Variants in ABCA13 observed in about 807,000 individuals in gnomAD.
ABCA13 encodes ATP-binding cassette sub-family A member 13.
In ABCA13, 476 loss-of-function variants were observed where a neutral mutation model predicts 478.7. That is an observed-to-expected ratio of 0.99 (90% confidence interval 0.92 to 1.07). The LOEUF (loss-of-function observed/expected upper bound fraction) is 1.07. Among genes scored for constraint, ABCA13 ranks in the 50% least tolerant of loss-of-function variants. The probability of loss-of-function intolerance (pLI) is 0.00; values close to 1 mark genes in which losing one functional copy is unlikely to be tolerated. For missense variants in ABCA13, 6,060 were observed against 5,910.6 expected (o/e 1.03, Z -0.83); for synonymous variants, 2,252 against 2,158.9 (o/e 1.04, Z -1.20).
At chr7:48,637,267 T>C (rs540091238) in intron 59 of ABCA13, among the ~76,000 whole-genome samples, 1 of 151,150 alleles carries the variant, frequency 6.6e-6, no homozygotes, top group East Asian at 2.0e-4. Context: ...GTTTTCCTCC[T>C]CAGGTCTCAC....
intron 58 of ABCA13, among the ~76,000 whole-genome samples, chr7:48,610,840 G>T (rs1791959144): frequency 6.6e-6 from 1 of 152,188 alleles, no homozygotes; most frequent in Non-Finnish European, 1.5e-5. Context: ...CTGCAACACA[G>T]TGAGCAGTGT....
intron 19 of ABCA13, among the ~76,000 whole-genome samples, chr7:48,285,240 G>A (rs28701511): frequency 0.077 from 11,786 of 152,210 alleles, 559 homozygotes; most frequent in East Asian, 0.17. Context: ...GAAGGGAGGA[G>A]AGGAAAGGGG....
At chr7:48,290,307 A>G (rs1248681088) in intron 20 of ABCA13, among the ~76,000 whole-genome samples, 2 of 152,196 alleles carry the variant, frequency 1.3e-5, no homozygotes, top group African/African-American at 4.8e-5. Context: ...GCCTCTCTAG[A>G]TCTAGACCTT....
chr7:48,307,291 C>T (rs1801048712), intron 23 of ABCA13, among the ~76,000 whole-genome samples: 1 of 152,212 alleles, frequency 6.6e-6, no homozygotes, highest in South Asian at 2.1e-4. Flanking sequence ...TCCTAGGCTA[C>T]AAACCTGTAC....
chr7:48,645,372 G>A, intron 61 of ABCA13, 45 bp from the exon 62 acceptor site: 2 of 1,441,056 alleles, frequency 1.4e-6, no homozygotes, highest in Non-Finnish European at 1.9e-6. Flanking sequence ...GAGACCAAAG[G>A]GTTGTATTCT....
chr7:48,594,804 C>T lies in ABCA13; in HGVS notation c.14735C>T (p.Thr4912Ile). 6.2e-7 allele frequency: 1 copy of T among 1,613,730 alleles called. No homozygotes were observed. The highest frequency in any genetic ancestry group is 1.1e-5 in the South Asian group (1 of 91,066). ...CGGGAAGGCTGTGCTGCGGTGCTGA[C>T]CTCCCACAGGTGAGTTCCAGTTTCT... ...EVREGCAAVL[T>I]SHSMEECEAL... Residue 4912 changes from threonine (T) to isoleucine (I), a missense_variant, in exon 58 of 62, where the codon ACC becomes ATC. Physicochemically the swap from Thr to Ile is moderately conservative, Grantham distance 89. Transcript: ENST00000435803.
intron 42 of ABCA13, among the ~76,000 whole-genome samples, chr7:48,436,827 GT>G (rs35563306): frequency 0.31 from 44,737 of 146,654 alleles, 6,661 homozygotes; most frequent in East Asian, 0.39. Context: ...GAATTTTTCT[GT>G]TTTTTTTTTC....
At chr7:48,517,060 A>G (rs574023431) in intron 52 of ABCA13, among the ~76,000 whole-genome samples, 179 bp downstream of exon 52, 1 of 152,342 alleles carries the variant, frequency 6.6e-6, no homozygotes, top group Non-Finnish European at 1.5e-5. Flanking sequence ...CATTGCCGTT[A>G]TAAAAGCCAT....
chr7:48,259,073 T>C (rs938544320), intron 15 of ABCA13, among the ~76,000 whole-genome samples: 6 of 152,044 alleles, frequency 3.9e-5, no homozygotes, highest in African/African-American at 1.2e-4. Flanking sequence ...GTGAGAAGAA[T>C]GTGTTTTCTG....
At chr7:48,229,740 A>G (rs1440390680) in intron 6 of ABCA13, 85 bp from the exon 7 acceptor site, 2 of 1,528,154 alleles carry the variant, frequency 1.3e-6, no homozygotes, top group African/African-American at 2.7e-5. Flanking sequence ...GGCCCAGTCC[A>G]TGGGATGTAA....
chr7:48,230,460 C>A (rs1788882785), intron 7 of ABCA13, among the ~76,000 whole-genome samples: 2 of 152,274 alleles, frequency 1.3e-5, no homozygotes, highest in South Asian at 4.2e-4. Context: ...TCCTGAATTA[C>A]CAACTGAGTC....
At chr7:48,571,226 A>G (rs757322554) in intron 55 of ABCA13, among the ~76,000 whole-genome samples, 12 of 152,192 alleles carry the variant, frequency 7.9e-5, no homozygotes, top group Non-Finnish European at 1.8e-4. Flanking sequence ...AGAAACACGT[A>G]CATTTATCTT....
intron 48 of ABCA13, among the ~76,000 whole-genome samples, chr7:48,491,136 C>T (rs942468817): frequency 4.6e-5 from 7 of 151,946 alleles, no homozygotes; most frequent in Admixed American, 1.3e-4. Context: ...AAGGAAGGGG[C>T]GAGGTGATTT....
At chr7:48,205,355 T>C (rs1784792745) in intron 3 of ABCA13, among the ~76,000 whole-genome samples, 2 of 152,232 alleles carry the variant, frequency 1.3e-5, no homozygotes, top group Non-Finnish European at 2.9e-5. Context: ...TTTTCAGTTG[T>C]ATTATTAAAC....
rs748689557 is a variant in ABCA13 at position 48,352,263 on chromosome 7, C to A, written c.10464C>A (p.Ile3488=). ...VKLPPHVSYT[I]RTNVLYSVRT... ...TGCCACCCCATGTCTCATACACAAT[C>A]CGGACCAATGTGTTATACAGCGTGC... is the stretch of plus-strand genomic sequence containing the variant. Residue 3488 remains isoleucine, a synonymous_variant, in exon 31 of 62, where the codon ATC becomes ATA. Transcript: ENST00000435803. The A allele has an allele frequency of 1.9e-6, 3 of 1,613,812 alleles. No homozygotes were observed. The Admixed American group carries it at 5.0e-5, about 27-fold the overall frequency.
intron 27 of ABCA13, among the ~76,000 whole-genome samples, chr7:48,332,628 G>T (rs144443439): frequency 6.6e-6 from 1 of 151,944 alleles, no homozygotes; most frequent in African/African-American, 2.4e-5. Flanking sequence ...CCAAGATTCC[G>T]TTTCATATTT....
At chr7:48,574,986 G>T (rs1788029101) in intron 55 of ABCA13, among the ~76,000 whole-genome samples, 1 of 151,900 alleles carries the variant, frequency 6.6e-6, no homozygotes, top group Non-Finnish European at 1.5e-5. Flanking sequence ...TGAAGCCACA[G>T]GTAATATATA....
chr7:48,532,033 A>T (rs1282365099), intron 55 of ABCA13, among the ~76,000 whole-genome samples: 1 of 151,938 alleles, frequency 6.6e-6, no homozygotes, highest in Non-Finnish European at 1.5e-5. Flanking sequence ...TTCCAGTATT[A>T]TGTTGAATAG....
rs769344519 is a variant in ABCA13, at chr7:48,511,160, A to G, written c.13601A>G (p.Lys4534Arg). Residue 4534 changes from lysine (K) to arginine (R), a missense_variant, in exon 51 of 62, where the codon AAG (lysine) becomes AGG (arginine). This residue lies in a region of ABCA13 where 1,627 missense variants were observed against 1,571.0 expected (regional missense o/e 1.04). Coordinates refer to ENST00000435803, the MANE Select transcript of ABCA13 (RefSeq NM_152701.5). ...CAGTTAACAGCTTTTACTTTCCGCA[A>G]GAACTTGGCAGCCACGGCCCTCCTG... ...AFQLTAFTFR[K>R]NLAATALLLS... 4 of 1,613,562 alleles carry G rather than the reference A, an allele frequency of 2.5e-6. No homozygotes were observed. The highest frequency in any genetic ancestry group is 3.4e-6 in the Non-Finnish European group (4 of 1,179,642).
Sources: allele counts gnomAD v4.1 joint callset (sites outside exome capture counted in the v4.1 genomes callset), GRCh38; gene constraint gnomAD v4.1.1; regional missense constraint gnomAD v4.1.1; transcripts MANE v1.5; gene names NCBI Gene and HGNC (gene_info 2026-07-23, HGNC 2026-07-21).